GRAP2: variants seen among roughly 807,000 people sequenced by gnomAD.
GRAP2 encodes the protein GRB2-related adapter protein 2.
Under a neutral mutation model 43.5 loss-of-function variants are expected in GRAP2, and 31 were observed. The observed-to-expected ratio is 0.71, with a 90% confidence interval of 0.54 to 0.96. The LOEUF is 0.96. GRAP2 is among the 40% of genes least tolerant of loss of function. The pLI is 0.00. For synonymous variants in GRAP2, 156 were observed against 164.8 expected (o/e 0.95, Z 0.41); for missense variants, 371 against 424.4 (o/e 0.87, Z 1.11).
Position 39,966,010 on chromosome 22 carries a change from A to G in GRAP2, c.311A>G (p.His104Arg). 3.7e-6 allele frequency: 6 copies of G among 1,614,138 alleles called. No homozygotes were observed. The highest frequency in any genetic ancestry group is 4.2e-6 in the Non-Finnish European group (5 of 1,179,954). The change falls in exon 5 of 8, where the codon CAC becomes CGC. Residue 104 changes from histidine (H) to arginine (R), a missense_variant. By Grantham distance (29) the His-to-Arg change is conservative. Coordinates refer to ENST00000344138, the MANE Select transcript of GRAP2 (RefSeq NM_004810.4). ...ISVRHEDDVQ[H>R]FKVMRDNKGN... ...TCCAGGCATGAGGATGACGTTCAAC[A>G]CTTCAAGGTCATGCGAGACAACAAG...
upstream of GRAP2, among the ~76,000 whole-genome samples, chr22:39,898,912 AT>A (rs2066475948): frequency 6.6e-6 from 1 of 152,146 alleles, no homozygotes; most frequent in African/African-American, 2.4e-5. Context: ...TAAACAAAGT[AT>A]GGTTTAAAAA....
chr22:39,923,778 T>C (rs142783998), intron 1 of GRAP2, among the ~76,000 whole-genome samples: 47 of 152,318 alleles, frequency 3.1e-4, no homozygotes, highest in Admixed American at 1.3e-3. Flanking sequence ...TAAAAGCTAC[T>C]TTTCTCCCTG....
rs2066706490 is a variant in GRAP2 at position 39,926,832 on chromosome 22, A to G, written c.-14-20261A>G. 4.1e-6 allele frequency: 4 copies of G among 984,514 alleles called. No homozygotes were observed. The South Asian group carries it at 1.4e-4, about 35-fold the overall frequency. 61.0% of individuals were successfully genotyped at this position (984,514 alleles called of 1,614,324 possible). On this transcript the variant is annotated intron_variant, in intron 1 of 7. Transcript: ENST00000344138. ...CCTGATCACTGCCAATTAGGGGAGT[A>G]TTGTCTGGCTGACATAATCAAGTAA...
At position 39,971,808 on chromosome 22, in the gene GRAP2, A is replaced by G. The variant is rs1304216498; in HGVS notation, c.*724A>G. ...CTGGGAAATCGAGGGATTTTCCACA[A>G]TCCCCAAGCAGCTTACTCAGTGGAA... On this transcript the variant is annotated 3_prime_UTR_variant, in exon 8 of 8. Transcript: ENST00000344138. The G allele has an allele frequency of 6.6e-6, 1 of 152,190 alleles. No individual in the cohort carries two copies. The highest frequency in any genetic ancestry group is 1.9e-4 in the East Asian group (1 of 5,194). The allele number at this position is 152,190 out of a possible 1,614,324, so 9.4% of individuals were successfully genotyped here. A position where few individuals can be genotyped will look rare whatever the true frequency, so the allele number is the denominator to read the frequency against.
At chr22:39,916,478 T>C (rs2066603461) in intron 1 of GRAP2, among the ~76,000 whole-genome samples, 1 of 152,284 alleles carries the variant, frequency 6.6e-6, no homozygotes, top group South Asian at 2.1e-4. Flanking sequence ...ATTATTATTC[T>C]CTTTACTTTT....
chr22:39,928,738 C>T (rs1601704701), intron 1 of GRAP2, among the ~76,000 whole-genome samples: 1 of 152,140 alleles, frequency 6.6e-6, no homozygotes. Flanking sequence ...TTAGCAAGAC[C>T]TGGTTTGTAC....
chr22:39,953,962 C>T (rs1181173127), intron 2 of GRAP2, among the ~76,000 whole-genome samples: 1 of 152,166 alleles, frequency 6.6e-6, no homozygotes, highest in African/African-American at 2.4e-5. Context: ...TGCTCAAAAT[C>T]CTTTAAGGGC....
chr22:39,925,008 CAG>C (rs1284304529), intron 1 of GRAP2, among the ~76,000 whole-genome samples: 2 of 152,098 alleles, frequency 1.3e-5, no homozygotes, highest in African/African-American at 4.8e-5. Context: ...TGAGTAAAGG[CAG>C]AGTGGTGGGA....
chr22:39,968,031 C>G lies in GRAP2; in HGVS notation c.460-11C>G. On this transcript the variant is annotated splice_polypyrimidine_tract_variant and intron_variant, in intron 5 of 7. Coordinates refer to ENST00000344138, the MANE Select transcript of GRAP2 (RefSeq NM_004810.4). ...AGGATGCATCTGCAGCATCTCTGTTCTTTCTCCCAGGGTCACCGGGGCAAC... is the reference window on the plus strand; with the variant it reads ...AGGATGCATCTGCAGCATCTCTGTTGTTTCTCCCAGGGTCACCGGGGCAAC... The G allele has an allele frequency of 6.2e-7, 1 of 1,609,932 alleles. No homozygotes were observed. Among genetic ancestry groups the G allele is most frequent in the Non-Finnish European group, 8.5e-7 (1 of 1,177,168 alleles).
At chr22:39,951,360 CCTT>C (rs1170299077) in intron 2 of GRAP2, among the ~76,000 whole-genome samples, 1 of 152,218 alleles carries the variant, frequency 6.6e-6, no homozygotes, top group Non-Finnish European at 1.5e-5. Flanking sequence ...ATTTCTGTCT[CCTT>C]CTGTAATGCA....
intron 2 of GRAP2, among the ~76,000 whole-genome samples, chr22:39,953,721 C>T (rs1191861540): frequency 1.3e-5 from 2 of 152,192 alleles, no homozygotes; most frequent in South Asian, 2.1e-4. Flanking sequence ...ACCCTCCTCC[C>T]GCTTCAGCCT....
intron 2 of GRAP2, among the ~76,000 whole-genome samples, chr22:39,951,239 C>T (rs1384971561): frequency 6.6e-6 from 1 of 152,120 alleles, no homozygotes; most frequent in African/African-American, 2.4e-5. Context: ...GATTTTTTTC[C>T]TATTCATGCC....
chr22:39,962,838 T>C (rs1212401790), intron 4 of GRAP2, among the ~76,000 whole-genome samples: 31 of 152,136 alleles, frequency 2.0e-4, no homozygotes, highest in Non-Finnish European at 4.1e-4. Context: ...TGTGTGTGTG[T>C]GGTTTTTTTC....
intron 1 of GRAP2, among the ~76,000 whole-genome samples, chr22:39,907,873 G>A (rs193107200): frequency 2.6e-5 from 4 of 152,274 alleles, no homozygotes; most frequent in South Asian, 2.1e-4. Flanking sequence ...GAGAGTTTCC[G>A]GGACTTGCTC....
At chr22:39,958,808 G>A (rs1329876953) in intron 3 of GRAP2, among the ~76,000 whole-genome samples, 1 of 152,140 alleles carries the variant, frequency 6.6e-6, no homozygotes, top group African/African-American at 2.4e-5. Context: ...GTGTGTGGTG[G>A]CCTCTTGTTT....
chr22:39,935,833 G>A (rs1601711141), intron 1 of GRAP2, among the ~76,000 whole-genome samples: 1 of 152,158 alleles, frequency 6.6e-6, no homozygotes. Flanking sequence ...GCCCAGATGA[G>A]AATTAAGGTA....
At chr22:39,900,614 A>G (rs1479507228), upstream of GRAP2, among the ~76,000 whole-genome samples, 1 of 152,230 alleles carries the variant, frequency 6.6e-6, no homozygotes, top group African/African-American at 2.4e-5. Context: ...AATTGAAGGA[A>G]CTGGTTCCAC....
intron 1 of GRAP2, among the ~76,000 whole-genome samples, chr22:39,916,211 C>G (rs1439719279): frequency 1.3e-5 from 2 of 152,220 alleles, no homozygotes; most frequent in African/African-American, 4.8e-5. Flanking sequence ...AGCGGTGGTC[C>G]TGGCATCTGC....
intron 1 of GRAP2, among the ~76,000 whole-genome samples, chr22:39,922,108 A>G (rs1220600800): frequency 6.6e-6 from 1 of 152,254 alleles, no homozygotes; most frequent in African/African-American, 2.4e-5. Flanking sequence ...TGACTGCTGT[A>G]TGCCAGAGGC....
Sources: allele counts gnomAD v4.1 joint callset (sites outside exome capture counted in the v4.1 genomes callset), GRCh38; gene constraint gnomAD v4.1.1; transcripts MANE v1.5; gene names NCBI Gene and HGNC (gene_info 2026-07-23, HGNC 2026-07-21).